NALCN: variants seen among roughly 807,000 people sequenced by gnomAD.
NALCN encodes the protein sodium leak channel, non-selective.
NALCN carries 111 observed loss-of-function variants against 225.3 expected under a neutral mutation model. The observed-to-expected ratio is 0.49, with a 90% confidence interval of 0.42 to 0.58. The LOEUF is 0.58. NALCN is among the 20% of genes least tolerant of loss of function. NALCN has a pLI of 0.00. For missense variants in NALCN, 1,378 were observed against 2,202.4 expected, an observed-to-expected ratio of 0.63 and a Z score of 7.49; for synonymous variants, 764 against 769.0, an observed-to-expected ratio of 0.99 and a Z score of 0.11.
At chr13:101,062,683 A>G (rs1594120485) in intron 40 of NALCN, among the ~76,000 whole-genome samples, 1 of 152,138 alleles carries the variant, frequency 6.6e-6, no homozygotes, top group Non-Finnish European at 1.5e-5. Flanking sequence ...AGCTCACTGC[A>G]ACCTCCGCCT....
chr13:101,291,931 T>C, intron 9 of NALCN, 59 bp downstream of exon 9: 1 of 1,529,912 alleles, frequency 6.5e-7, no homozygotes, highest in Non-Finnish European at 9.0e-7. Flanking sequence ...CCACTGATGG[T>C]GAGGGTGAGA....
At chr13:101,324,293 A>C (rs1385727583) in intron 7 of NALCN, among the ~76,000 whole-genome samples, 9 of 152,250 alleles carry the variant, frequency 5.9e-5, no homozygotes, top group Non-Finnish European at 4.4e-5. Context: ...AAAAAATATA[A>C]TGTCAATCAG....
intron 34 of NALCN, among the ~76,000 whole-genome samples, chr13:101,078,633 A>C (rs904592928): frequency 6.6e-6 from 1 of 152,190 alleles, no homozygotes; most frequent in Non-Finnish European, 1.5e-5. Flanking sequence ...CTAGGAAGTA[A>C]CTAACTTGCT....
At chr13:101,257,081 A>T (rs2042256764) in intron 11 of NALCN, among the ~76,000 whole-genome samples, 2 of 152,104 alleles carry the variant, frequency 1.3e-5, no homozygotes, top group African/African-American at 2.4e-5. Context: ...GCTTTTATTG[A>T]CAATCCATTC....
chr13:101,173,312 C>T (rs1324688078), intron 15 of NALCN, among the ~76,000 whole-genome samples: 1 of 152,078 alleles, frequency 6.6e-6, no homozygotes, highest in Non-Finnish European at 1.5e-5. Context: ...GAGTGCCCTC[C>T]CCAGTATGCA....
At position 101,144,907 on chromosome 13, in the gene NALCN, A is replaced by G; in HGVS notation, c.1840-11T>C. The G allele has an allele frequency of 6.3e-7, 1 of 1,596,820 alleles. No individual in the cohort carries two copies. The highest frequency in any genetic ancestry group is 8.5e-7 in the Non-Finnish European group (1 of 1,175,784). On this transcript the variant is annotated splice_polypyrimidine_tract_variant and intron_variant, in intron 15 of 43. Transcript: ENST00000251127. ...TTCACTTTGCTTTAACTAAAGAAAA[A>G]TTGGAAAGAAGAAAAAAAGGGGGAA...
intron 7 of NALCN, among the ~76,000 whole-genome samples, chr13:101,319,662 A>G (rs2139185860): frequency 6.6e-6 from 1 of 152,326 alleles, no homozygotes; most frequent in Middle Eastern, 3.4e-3. Context: ...AAAAAAGGTA[A>G]AAGATTTTAA....
chr13:101,186,252 G>T lies in NALCN; in HGVS notation c.1764+5665C>A, dbSNP rs895075532. Among the ~76,000 whole-genome samples, 5 of 152,270 alleles carry T rather than the reference G, an allele frequency of 3.3e-5. No homozygotes were observed. In the East Asian group the frequency reaches 7.7e-4, roughly 24 times the overall value. ...CCTCTCTTACCATTTGCATCTTTAGGCCTTGGAACCACTGGTTTTATTTGT... is the reference window on the plus strand; with the variant it reads ...CCTCTCTTACCATTTGCATCTTTAGTCCTTGGAACCACTGGTTTTATTTGT... On this transcript the variant is annotated intron_variant, in intron 14 of 43. Coordinates refer to ENST00000251127, the MANE Select transcript of NALCN (RefSeq NM_052867.4).
intron 13 of NALCN, among the ~76,000 whole-genome samples, chr13:101,214,908 T>C (rs573629695): frequency 3.1e-4 from 47 of 152,228 alleles, no homozygotes; most frequent in African/African-American, 1.1e-3. Flanking sequence ...GGCACTCACA[T>C]ATGGAACCAC....
At chr13:101,258,929 C>T (rs2042327387) in intron 10 of NALCN, among the ~76,000 whole-genome samples, 1 of 152,132 alleles carries the variant, frequency 6.6e-6, no homozygotes, top group Admixed American at 6.6e-5. Flanking sequence ...TAACACAAAA[C>T]AAGTATTTCT....
chr13:101,083,110 C>A lies in NALCN; in HGVS notation c.3672G>T (p.Ser1224=). 1 of 1,614,082 alleles carries A rather than the reference C, an allele frequency of 6.2e-7. No individual in the cohort carries two copies. The highest frequency in any genetic ancestry group is 2.2e-5 in the East Asian group (1 of 44,866). Residue 1224 remains serine, a synonymous_variant, in exon 32 of 44, where the codon TCG becomes TCT. Transcript: ENST00000251127. ...RTIALLVLAQ[S]VLLSVKWDVE... The stretch of plus-strand genomic sequence containing the variant: ...GAAGTACCTTGACAGAGAGCAACAC[C>A]GACTGGGCCAGGACGAGTAATGCGA...
chr13:101,181,077 G>A (rs542064630), intron 14 of NALCN: 2 of 518,836 alleles, frequency 3.9e-6, no homozygotes, highest in Admixed American at 1.9e-5. Context: ...GGCCAGGGGG[G>A]CACTTTCCGA....
At chr13:101,091,713 A>G (rs940111580) in intron 28 of NALCN, among the ~76,000 whole-genome samples, 1 of 152,036 alleles carries the variant, frequency 6.6e-6, no homozygotes, top group Non-Finnish European at 1.5e-5. Flanking sequence ...TGCTTGAATA[A>G]GGATTTTTTA....
At chr13:101,094,621 C>G (rs1278135943) in intron 28 of NALCN, among the ~76,000 whole-genome samples, 1 of 152,086 alleles carries the variant, frequency 6.6e-6, no homozygotes, top group Non-Finnish European at 1.5e-5. Context: ...ATTCCTCTCT[C>G]TCCAAGCTGA....
Position 101,053,953 on chromosome 13 carries a change from G to A in NALCN, c.*1342C>T, listed in dbSNP as rs530445766. ...CCACGATACTTCTGTGACACAGAAG[G>A]AATGTCCTATTTGCCTATCTATCTG... is the stretch of plus-strand genomic sequence containing the variant. On this transcript the variant is annotated 3_prime_UTR_variant, in exon 44 of 44. Transcript: ENST00000251127. 17 of 151,826 alleles carry A rather than the reference G, an allele frequency of 1.1e-4. No homozygotes were observed. The South Asian group carries it at 3.1e-3, about 28-fold the overall frequency. 9.4% of individuals were successfully genotyped at this position (151,826 alleles called of 1,614,324 possible).
intron 10 of NALCN, among the ~76,000 whole-genome samples, chr13:101,271,724 GTGTGTCAC>G (rs1416853838): frequency 1.3e-5 from 2 of 151,816 alleles, no homozygotes; most frequent in South Asian, 2.1e-4. Flanking sequence ...GTAAATGTCT[GTGTGTCAC>G]TGTGTCACTG....
Position 101,280,200 on chromosome 13 carries a change from G to T in NALCN, c.1134+3733C>A, listed in dbSNP as rs1477841056. ...CATGCACTCTTCATTGCTGCCTCTG[G>T]AAAGCTTTATTCAGGGCCAAACACA... On this transcript the variant is annotated intron_variant, in intron 10 of 43. Coordinates refer to ENST00000251127, the MANE Select transcript of NALCN (RefSeq NM_052867.4). Among the ~76,000 whole-genome samples the T allele has an allele frequency of 2.0e-5, 3 of 152,080 alleles. No homozygotes were observed. In the South Asian group the frequency reaches 6.2e-4, roughly 32 times the overall value.
chr13:101,304,772 T>A (rs1200169356), intron 7 of NALCN, among the ~76,000 whole-genome samples: 1 of 150,056 alleles, frequency 6.7e-6, no homozygotes, highest in East Asian at 2.0e-4. Flanking sequence ...TTTTTTTTTT[T>A]TTGAGACGGA....
chr13:101,268,043 T>G (rs998955062), intron 10 of NALCN, among the ~76,000 whole-genome samples: 1 of 152,250 alleles, frequency 6.6e-6, no homozygotes, highest in African/African-American at 2.4e-5. Context: ...AGGGTGTGCC[T>G]TCTCGAAAGT....
Sources: gnomAD v4.1 joint callset for allele counts (sites outside exome capture counted in the v4.1 genomes callset) on GRCh38, gnomAD v4.1.1 for gene constraint, MANE v1.5 for transcripts, NCBI Gene and HGNC (gene_info 2026-07-23, HGNC 2026-07-21) for gene names.